Variants in KHDRBS3 observed in about 807,000 individuals in gnomAD.
KHDRBS3 encodes the protein KH RNA binding domain containing, signal transduction associated 3, also known as KH domain-containing, RNA-binding, signal transduction-associated protein 3.
KHDRBS3 carries 23 observed loss-of-function variants against 45.6 expected under a neutral mutation model. The ratio of observed to expected loss-of-function variants is 0.50; its 90% CI spans 0.36 to 0.72. The LOEUF is 0.72. Ranked by LOEUF, KHDRBS3 falls within the 30% of genes least tolerant of loss-of-function variation. KHDRBS3 has a pLI of 0.00. For synonymous variants in KHDRBS3, 162 were observed against 156.5 expected, an observed-to-expected ratio of 1.04 and a Z score of -0.26; for missense variants, 352 against 424.8, an observed-to-expected ratio of 0.83 and a Z score of 1.51.
At chr8:135,567,133 G>T (rs1018483437) in intron 5 of KHDRBS3, among the ~76,000 whole-genome samples, 2 of 152,128 alleles carry the variant, frequency 1.3e-5, no homozygotes, top group African/African-American at 4.8e-5. Flanking sequence ...TTGTCAGGAT[G>T]ATGAGGAACT....
intron 5 of KHDRBS3, among the ~76,000 whole-genome samples, chr8:135,572,265 CTG>C (rs1827737825): frequency 6.6e-6 from 1 of 152,170 alleles, no homozygotes; most frequent in South Asian, 2.1e-4. Context: ...AAGGAGCTCT[CTG>C]TTATCAGAGA....
intron 6 of KHDRBS3, among the ~76,000 whole-genome samples, chr8:135,606,722 T>A (rs549623116): frequency 7.2e-5 from 11 of 152,306 alleles, no homozygotes; most frequent in African/African-American, 2.6e-4. Context: ...TTTGGTTAAT[T>A]TCCAGGGTTC....
intron 7 of KHDRBS3, chr8:135,625,860 C>T (rs1830334572): frequency 1.3e-6 from 1 of 769,814 alleles, no homozygotes; most frequent in South Asian, 1.4e-5. Context: ...CTAGGCAGCC[C>T]CTGAGCACAG....
At chr8:135,528,142 CTT>C (rs1320957007) in intron 2 of KHDRBS3, among the ~76,000 whole-genome samples, 1 of 152,114 alleles carries the variant, frequency 6.6e-6, no homozygotes, top group African/African-American at 2.4e-5. Flanking sequence ...TCTGCAGTAA[CTT>C]TGTCTTAACC....
chr8:135,621,217 T>G (rs953090689), intron 7 of KHDRBS3, among the ~76,000 whole-genome samples: 1 of 152,128 alleles, frequency 6.6e-6, no homozygotes, highest in Non-Finnish European at 1.5e-5. Flanking sequence ...TACTATAAAT[T>G]CTTTAAACTC....
At chr8:135,525,942 A>G (rs945512876) in intron 2 of KHDRBS3, among the ~76,000 whole-genome samples, 4 of 152,204 alleles carry the variant, frequency 2.6e-5, no homozygotes, top group African/African-American at 9.6e-5. Context: ...GATGGACTGC[A>G]TATATGATGG....
intron 1 of KHDRBS3, among the ~76,000 whole-genome samples, chr8:135,515,913 T>C (rs1197799090): frequency 1.3e-5 from 2 of 152,252 alleles, no homozygotes; most frequent in African/African-American, 2.4e-5. Flanking sequence ...ATACTGTCTT[T>C]TGTTGCTTAA....
At chr8:135,554,140 A>G (rs150258310) in intron 4 of KHDRBS3, among the ~76,000 whole-genome samples, 30 of 152,092 alleles carry the variant, frequency 2.0e-4, no homozygotes, top group Non-Finnish European at 3.4e-4. Context: ...CTCAAATTCC[A>G]TATTTCTTTC....
intron 7 of KHDRBS3, among the ~76,000 whole-genome samples, chr8:135,635,336 T>C (rs1271255472): frequency 2.6e-5 from 4 of 152,338 alleles, no homozygotes; most frequent in Admixed American, 2.6e-4. Context: ...GACGATATTC[T>C]TCTTTGATAC....
chr8:135,476,872 T>C (rs936069156), intron 1 of KHDRBS3, among the ~76,000 whole-genome samples: 2 of 152,346 alleles, frequency 1.3e-5, no homozygotes, highest in Non-Finnish European at 2.9e-5. Flanking sequence ...GTTGAAAGTA[T>C]AGTGACTTAT....
chr8:135,503,206 A>G lies in KHDRBS3; in HGVS notation c.89-18031A>G, dbSNP rs1823820934. ...ACAGAAATATACTTGTGTATAATATAATAAAACACTTTTCAATGTTAGGTT... is the reference window on the plus strand; with the variant it reads ...ACAGAAATATACTTGTGTATAATATGATAAAACACTTTTCAATGTTAGGTT... On this transcript the variant is annotated intron_variant, in intron 1 of 8. Transcript: ENST00000355849. Among the ~76,000 whole-genome samples, 3 of 152,248 alleles carry G rather than the reference A, an allele frequency of 2.0e-5. No homozygotes were observed. In the South Asian group the frequency reaches 6.2e-4, roughly 31 times the overall value.
At chr8:135,526,669 G>A (rs1430898141) in intron 2 of KHDRBS3, among the ~76,000 whole-genome samples, 2 of 152,150 alleles carry the variant, frequency 1.3e-5, no homozygotes, top group African/African-American at 4.8e-5. Context: ...CAGCTTCTGG[G>A]GCAAGAGAGA....
intron 6 of KHDRBS3, among the ~76,000 whole-genome samples, chr8:135,594,811 CT>C (rs1419111850): frequency 6.6e-6 from 1 of 152,186 alleles, no homozygotes; most frequent in African/African-American, 2.4e-5. Context: ...GCTCCAGCCA[CT>C]TTGGAAAAAT....
chr8:135,562,711 G>A (rs767165204), intron 5 of KHDRBS3, among the ~76,000 whole-genome samples: 4 of 152,192 alleles, frequency 2.6e-5, no homozygotes, highest in African/African-American at 4.8e-5. Flanking sequence ...ACAACATTCC[G>A]TAGTGTTGGC....
chr8:135,642,870 G>A (rs996317379), intron 7 of KHDRBS3, among the ~76,000 whole-genome samples: 4 of 150,704 alleles, frequency 2.7e-5, no homozygotes, highest in African/African-American at 7.3e-5. Flanking sequence ...TCAGCTCACT[G>A]CAACGTCCGC....
Position 135,647,243 on chromosome 8 carries a change from CAG to C in KHDRBS3, c.*161_*162del. The stretch of plus-strand genomic sequence containing the variant: ...TACTTTGTTGAAACATCAACCTGGG[CAG>C]AAAAAAAAAAAAAAAGACATGTAAA... On this transcript the variant is annotated 3_prime_UTR_variant, in exon 9 of 9. Transcript: ENST00000355849. The C allele has an allele frequency of 1.4e-5, 2 of 139,172 alleles. No homozygotes were observed. Among genetic ancestry groups the C allele is most frequent in the Non-Finnish European group, 2.4e-5 (2 of 84,836 alleles). The allele number at this position is 139,172 out of a possible 1,614,324, so 8.6% of individuals were successfully genotyped here. A position where few individuals can be genotyped will look rare whatever the true frequency, so the allele number is the denominator to read the frequency against.
At chr8:135,642,446 C>T (rs111507042) in intron 7 of KHDRBS3, among the ~76,000 whole-genome samples, 87 of 152,318 alleles carry the variant, frequency 5.7e-4, no homozygotes, top group African/African-American at 1.9e-3. Flanking sequence ...TTGCATTCCT[C>T]TCACACTCGT....
At chr8:135,463,753 C>T (rs1017357450) in intron 1 of KHDRBS3, among the ~76,000 whole-genome samples, 13 of 152,146 alleles carry the variant, frequency 8.5e-5, no homozygotes, top group African/African-American at 2.7e-4. Flanking sequence ...CGATTGAAAC[C>T]GCAAATTGAG....
rs59502823 is a variant in KHDRBS3, at chr8:135,515,365, T to TAAAAAAAAAAAA, written c.89-5846_89-5835dup. Among the ~76,000 whole-genome samples the TAAAAAAAAAAAA allele has an allele frequency of 1.6e-3, 65 of 39,742 alleles. 6 individuals carry two copies. The highest frequency in any genetic ancestry group is 5.0e-3 in the South Asian group (3 of 600). The allele number at this position is 39,742 out of a possible 152,430, so 26.1% of individuals were successfully genotyped here. A position where few individuals can be genotyped will look rare whatever the true frequency, so the allele number is the denominator to read the frequency against. On this transcript the variant is annotated intron_variant, in intron 1 of 8. Coordinates refer to ENST00000355849, the MANE Select transcript of KHDRBS3 (RefSeq NM_006558.3). ...TGGGCGACAGAGCGAGACTCCGTCT[T>TAAAAAAAAAAAA]AAAAAAAAAAAAAAAAAAAAAAAAA...
Sources: allele counts gnomAD v4.1 joint callset (sites outside exome capture counted in the v4.1 genomes callset), GRCh38; gene constraint gnomAD v4.1.1; transcripts MANE v1.5; gene names NCBI Gene and HGNC (gene_info 2026-07-23, HGNC 2026-07-21).